Variants in SEZ6L observed in about 807,000 individuals in gnomAD.
The protein encoded by SEZ6L is seizure 6-like protein.
A neutral mutation model predicts 106.2 loss-of-function variants in SEZ6L; 37 were observed. That is an observed-to-expected ratio of 0.35 (90% CI 0.27 to 0.46). The LOEUF (loss-of-function observed/expected upper bound fraction) is 0.46. SEZ6L is among the 20% of genes least tolerant of loss of function. SEZ6L has a pLI of 1.00. For synonymous variants in SEZ6L, 541 were observed against 570.4 expected, an observed-to-expected ratio of 0.95 and a Z score of 0.73; for missense variants, 1,172 against 1,332.8, an observed-to-expected ratio of 0.88 and a Z score of 1.88.
intron 1 of SEZ6L, among the ~76,000 whole-genome samples, chr22:26,205,394 TCTC>T (rs1382680154): frequency 3.8e-4 from 58 of 152,332 alleles, no homozygotes; most frequent in Non-Finnish European, 2.9e-5. Context: ...CCACTCCTCT[TCTC>T]CTCCTTTGTG....
At chr22:26,193,625 C>T (rs565181594) in intron 1 of SEZ6L, among the ~76,000 whole-genome samples, 11 of 152,300 alleles carry the variant, frequency 7.2e-5, no homozygotes, top group South Asian at 2.1e-4. Context: ...CCAAGGAATC[C>T]TCTGTTAACA....
intron 9 of SEZ6L, among the ~76,000 whole-genome samples, chr22:26,332,228 C>A (rs965690394): frequency 2.7e-5 from 4 of 148,000 alleles, no homozygotes; most frequent in African/African-American, 1.0e-4. Context: ...CGGCTCACTG[C>A]AACCTCCTTC....
intron 13 of SEZ6L, among the ~76,000 whole-genome samples, chr22:26,369,276 T>C (rs2083924004): frequency 6.6e-6 from 1 of 151,028 alleles, no homozygotes; most frequent in Admixed American, 6.6e-5. Context: ...AGGGTTGCAA[T>C]TTAATCTTAC....
chr22:26,187,844 C>G (rs1340951889), intron 1 of SEZ6L, among the ~76,000 whole-genome samples: 1 of 152,240 alleles, frequency 6.6e-6, no homozygotes, highest in Non-Finnish European at 1.5e-5. Context: ...TAAAAATGTG[C>G]TTGGGGCAGA....
chr22:26,187,060 G>A (rs972601176), intron 1 of SEZ6L, among the ~76,000 whole-genome samples: 1 of 152,200 alleles, frequency 6.6e-6, no homozygotes, highest in African/African-American at 2.4e-5. Context: ...TAAGGTTAGG[G>A]ACAATTTGTG....
At chr22:26,312,020 G>A in intron 8 of SEZ6L, 58 bp downstream of exon 8, 1 of 1,538,968 alleles carries the variant, frequency 6.5e-7, no homozygotes, top group Non-Finnish European at 8.9e-7. Flanking sequence ...CCCTTTGGAT[G>A]AGAAGACCAA....
At chr22:26,368,452 T>A (rs1356538578) in intron 13 of SEZ6L, among the ~76,000 whole-genome samples, 1 of 152,246 alleles carries the variant, frequency 6.6e-6, no homozygotes, top group East Asian at 1.9e-4. Flanking sequence ...TACCACAACA[T>A]GGATGAACCT....
chr22:26,248,682 C>T (rs2079453155), intron 1 of SEZ6L, among the ~76,000 whole-genome samples: 1 of 152,242 alleles, frequency 6.6e-6, no homozygotes, highest in Admixed American at 6.5e-5. Flanking sequence ...GCCAACTTGC[C>T]TTCTGCTTCC....
At chr22:26,250,515 G>T (rs2079537853) in intron 1 of SEZ6L, among the ~76,000 whole-genome samples, 1 of 152,072 alleles carries the variant, frequency 6.6e-6, no homozygotes, top group Non-Finnish European at 1.5e-5. Flanking sequence ...TGTTCCATTG[G>T]TCTATGTATC....
chr22:26,231,155 A>G (rs1008953092), intron 1 of SEZ6L, among the ~76,000 whole-genome samples: 3 of 152,374 alleles, frequency 2.0e-5, no homozygotes, highest in African/African-American at 7.2e-5. Flanking sequence ...TGCCCAGAGC[A>G]GTAGCTCAGA....
At chr22:26,171,954 G>C (rs1938645917) in intron 1 of SEZ6L, among the ~76,000 whole-genome samples, 2 of 151,978 alleles carry the variant, frequency 1.3e-5, no homozygotes, top group African/African-American at 2.4e-5. Context: ...TCTTCTGCTT[G>C]CGGTGAAGTG....
chr22:26,195,612 T>A (rs771099957), intron 1 of SEZ6L, among the ~76,000 whole-genome samples: 26 of 152,326 alleles, frequency 1.7e-4, no homozygotes, highest in Non-Finnish European at 3.4e-4. Flanking sequence ...TATCACTATG[T>A]GTCAAGCCCT....
intron 5 of SEZ6L, among the ~76,000 whole-genome samples, chr22:26,301,114 C>T (rs886435635): frequency 4.6e-5 from 7 of 152,208 alleles, no homozygotes; most frequent in African/African-American, 1.7e-4. Flanking sequence ...CCATTATCCC[C>T]ATTTTGCAGA....
At chr22:26,306,669 A>G (rs1014543560) in intron 6 of SEZ6L, among the ~76,000 whole-genome samples, 1 of 152,260 alleles carries the variant, frequency 6.6e-6, no homozygotes, top group African/African-American at 2.4e-5. Flanking sequence ...CAGAATATGC[A>G]TAGAATCCAG....
chr22:26,249,210 A>T (rs1190088060), intron 1 of SEZ6L, among the ~76,000 whole-genome samples: 2 of 152,226 alleles, frequency 1.3e-5, no homozygotes, highest in African/African-American at 4.8e-5. Flanking sequence ...ATTTGAATAT[A>T]TACAATCAAT....
At chr22:26,286,525 G>A (rs1057156363) in intron 1 of SEZ6L, among the ~76,000 whole-genome samples, 6 of 152,080 alleles carry the variant, frequency 3.9e-5, no homozygotes, top group Non-Finnish European at 4.4e-5. Context: ...GTTTTACTTC[G>A]TTGCTTCTAG....
intron 1 of SEZ6L, among the ~76,000 whole-genome samples, chr22:26,170,983 A>G (rs912995061): frequency 2.6e-5 from 4 of 152,042 alleles, no homozygotes; most frequent in Non-Finnish European, 5.9e-5. Context: ...TCAGCACCAA[A>G]GGCCCTGGAC....
intron 5 of SEZ6L, among the ~76,000 whole-genome samples, chr22:26,300,475 G>A (rs2081420529): frequency 6.6e-6 from 1 of 152,182 alleles, no homozygotes; most frequent in African/African-American, 2.4e-5. Flanking sequence ...CCCTACAAAG[G>A]ACATGAACTC....
At chr22:26,201,035 C>T (rs1170608490) in intron 1 of SEZ6L, among the ~76,000 whole-genome samples, 1 of 152,136 alleles carries the variant, frequency 6.6e-6, no homozygotes, top group Non-Finnish European at 1.5e-5. Context: ...AACAGGCCTT[C>T]TTGAAGCCTT....
Sources: allele counts gnomAD v4.1 joint callset (sites outside exome capture counted in the v4.1 genomes callset), GRCh38; gene constraint gnomAD v4.1.1; transcripts MANE v1.5; gene names NCBI Gene and HGNC (gene_info 2026-07-23, HGNC 2026-07-21).